Variants in ASIC2 observed in about 807,000 individuals in gnomAD.
ASIC2 encodes acid sensing ion channel subunit 2.
Under a neutral mutation model 57.3 loss-of-function variants are expected in ASIC2, and 25 were observed. That is an observed-to-expected ratio of 0.44 (90% CI 0.32 to 0.61). ASIC2 has a LOEUF of 0.61. ASIC2 is among the 20% of genes least tolerant of loss of function. The pLI is 0.06. For missense variants in ASIC2, 641 were observed against 738.1 expected (o/e 0.87, Z 1.52); for synonymous variants, 319 against 307.5 (o/e 1.04, Z -0.39).
Position 33,750,426 on chromosome 17 carries a change from C to A in ASIC2, c.555+405552G>T, listed in dbSNP as rs534412941. 2.6e-4 allele frequency among the ~76,000 whole-genome samples: 40 copies of A among 152,308 alleles called. No homozygotes were observed. The South Asian group carries it at 6.2e-3, about 24-fold the overall frequency. On this transcript the variant is annotated intron_variant, in intron 1 of 9. Coordinates refer to the ASIC2 transcript ENST00000359872. ...TGCACGATATTGTGCAAAATAAATT[C>A]AGTGCACTCAGGAGGCCCTGGAGCC...
chr17:33,178,283 T>C (rs1905840691), intron 1 of ASIC2, among the ~76,000 whole-genome samples: 1 of 152,094 alleles, frequency 6.6e-6, no homozygotes, highest in African/African-American at 2.4e-5. Flanking sequence ...ATCTGTCAAT[T>C]AAAAATTTTA....
chr17:33,755,146 A>T (rs1362104699), intron 1 of ASIC2, among the ~76,000 whole-genome samples: 3 of 152,032 alleles, frequency 2.0e-5, no homozygotes, highest in Non-Finnish European at 4.4e-5. Flanking sequence ...AGGCAGGGGG[A>T]CATTTGACTA....
intron 1 of ASIC2, among the ~76,000 whole-genome samples, chr17:33,347,224 GAGA>G (rs1240267290): frequency 1.3e-5 from 2 of 152,216 alleles, no homozygotes; most frequent in African/African-American, 4.8e-5. Flanking sequence ...AGGAAAGGCA[GAGA>G]AGATGGATTC....
At chr17:33,316,984 T>C (rs970597979) in intron 1 of ASIC2, among the ~76,000 whole-genome samples, 2 of 152,238 alleles carry the variant, frequency 1.3e-5, no homozygotes, top group African/African-American at 2.4e-5. Context: ...CACATTTCTC[T>C]TTCCTGGCTC....
intron 1 of ASIC2, among the ~76,000 whole-genome samples, chr17:33,486,265 T>C (rs1343868407): frequency 3.3e-5 from 5 of 152,214 alleles, no homozygotes; most frequent in Non-Finnish European, 7.3e-5. Flanking sequence ...GTTGTGGGCA[T>C]TTGCATGATC....
chr17:33,852,863 C>T (rs933845954), intron 1 of ASIC2, among the ~76,000 whole-genome samples: 1 of 152,098 alleles, frequency 6.6e-6, no homozygotes, highest in Non-Finnish European at 1.5e-5. Flanking sequence ...AAATGGGCCA[C>T]CACCTCCATG....
At position 33,848,808 on chromosome 17, in the gene ASIC2, G is replaced by A. The variant is rs147182788; in HGVS notation, c.555+307170C>T. ...CCTCAACACTCTGGGGTTCTGCCAGGCAAAATAGGAAAATATGGGAAGGGG... is the reference window on the plus strand; with the variant it reads ...CCTCAACACTCTGGGGTTCTGCCAGACAAAATAGGAAAATATGGGAAGGGG... On this transcript the variant is annotated intron_variant, in intron 1 of 9. Transcript: ENST00000359872. Among the ~76,000 whole-genome samples the A allele has an allele frequency of 1.0e-3, 155 of 152,270 alleles. No homozygotes were observed. The East Asian group carries it at 0.024, about 24-fold the overall frequency.
At chr17:33,398,627 GT>G (rs1490430171) in intron 1 of ASIC2, among the ~76,000 whole-genome samples, 6 of 152,116 alleles carry the variant, frequency 3.9e-5, no homozygotes, top group Non-Finnish European at 7.4e-5. Context: ...TGATGATGGT[GT>G]TGGTGATGAT....
At position 33,950,910 on chromosome 17, in the gene ASIC2, C is replaced by T. The variant is rs1904540438; in HGVS notation, c.555+205068G>A. ...CAGTGGTGGCTTAGCACTTACATCT[C>T]TTATTATATTAACTGTCAGTTAACA... is the stretch of plus-strand genomic sequence containing the variant. On this transcript the variant is annotated intron_variant, in intron 1 of 9. Coordinates refer to the ASIC2 transcript ENST00000359872. Among the ~76,000 whole-genome samples, 3 of 139,212 alleles carry T rather than the reference C, an allele frequency of 2.2e-5. No homozygotes were observed. In the Admixed American group the frequency reaches 2.3e-4, roughly 11 times the overall value. The allele number at this position is 139,212 out of a possible 152,430, so 91.3% of individuals were successfully genotyped here.
Position 33,564,480 on chromosome 17 carries a change from A to G in ASIC2, c.556-452413T>C, listed in dbSNP as rs138169573. Among the ~76,000 whole-genome samples the G allele has an allele frequency of 4.2e-3, 638 of 152,368 alleles. 4 individuals are homozygous for G. The highest frequency in any genetic ancestry group is 0.015 in the African/African-American group (615 of 41,584). On this transcript the variant is annotated intron_variant, in intron 1 of 9. Coordinates refer to the ASIC2 transcript ENST00000359872. ...AGTCCCTGGGTCAGTGGAAAGTCAC[A>G]TAAAGTACAAAACTCTGTTTGGGTT...
chr17:34,037,712 G>A (rs1907943879), intron 1 of ASIC2: 2 of 1,613,980 alleles, frequency 1.2e-6, no homozygotes, highest in South Asian at 2.2e-5. Flanking sequence ...TTGGATGTGA[G>A]GCAACAAGTA....
chr17:33,563,583 G>A (rs148217494), intron 1 of ASIC2, among the ~76,000 whole-genome samples: 3 of 152,310 alleles, frequency 2.0e-5, no homozygotes, highest in African/African-American at 7.2e-5. Context: ...ATGGCCTCAG[G>A]TCTGCTCCTT....
chr17:33,296,273 T>C (rs186591215), upstream of ASIC2, among the ~76,000 whole-genome samples: 11 of 152,200 alleles, frequency 7.2e-5, no homozygotes, highest in African/African-American at 2.6e-4. Flanking sequence ...AGAGGTTAAG[T>C]TACTCACTTT....
chr17:33,905,084 T>A (rs939502641), intron 1 of ASIC2, among the ~76,000 whole-genome samples: 3 of 149,052 alleles, frequency 2.0e-5, no homozygotes, highest in Non-Finnish European at 4.5e-5. Flanking sequence ...TAAAAATACC[T>A]AAATGTATTA....
chr17:33,188,770 A>G (rs1302621577), intron 1 of ASIC2, among the ~76,000 whole-genome samples: 1 of 152,178 alleles, frequency 6.6e-6, no homozygotes, highest in Non-Finnish European at 1.5e-5. Context: ...GACAGAATTC[A>G]TCACCAGAAA....
chr17:33,202,353 C>T (rs758278394), intron 1 of ASIC2, among the ~76,000 whole-genome samples: 3 of 152,192 alleles, frequency 2.0e-5, no homozygotes, highest in Non-Finnish European at 4.4e-5. Flanking sequence ...AGTCACTGGG[C>T]TGCTAGAAGA....
chr17:33,777,376 T>A (rs1292242322), intron 1 of ASIC2, among the ~76,000 whole-genome samples: 2 of 152,172 alleles, frequency 1.3e-5, no homozygotes, highest in Non-Finnish European at 2.9e-5. Flanking sequence ...TCATGATGGG[T>A]CATGATGAAG....
chr17:33,631,797 C>A (rs1165047323), intron 1 of ASIC2, among the ~76,000 whole-genome samples: 1 of 152,062 alleles, frequency 6.6e-6, no homozygotes, highest in Non-Finnish European at 1.5e-5. Context: ...CCTGGGAGGG[C>A]CCTTTGTTAT....
chr17:33,406,346 C>T (rs1057185002), intron 1 of ASIC2, among the ~76,000 whole-genome samples: 2 of 152,146 alleles, frequency 1.3e-5, no homozygotes, highest in Non-Finnish European at 2.9e-5. Context: ...AGGCAGTCTG[C>T]GAACATTCCT....
Sources: gnomAD v4.1 joint callset for allele counts (sites outside exome capture counted in the v4.1 genomes callset) on GRCh38, gnomAD v4.1.1 for gene constraint, MANE v1.5 for transcripts, NCBI Gene and HGNC (gene_info 2026-07-23, HGNC 2026-07-21) for gene names.